Variants in DOCK3 observed in about 807,000 individuals in gnomAD.
DOCK3 encodes the protein dedicator of cytokinesis protein 3.
Under a neutral mutation model 265.6 loss-of-function variants are expected in DOCK3, and 60 were observed. That is an observed-to-expected ratio of 0.23 (90% CI 0.18 to 0.28). The LOEUF (loss-of-function observed/expected upper bound fraction) is 0.28. Ranked by LOEUF, DOCK3 falls within the 10% of genes least tolerant of loss-of-function variation. The probability of loss-of-function intolerance (pLI) is 1.00; values close to 1 mark genes in which losing one functional copy is unlikely to be tolerated. For missense variants in DOCK3, 1,981 were observed against 2,594.3 expected (o/e 0.76, Z 5.14); for synonymous variants, 881 against 938.0 (o/e 0.94, Z 1.11).
At chr3:50,755,433 T>A (rs1404940463) in intron 1 of DOCK3, among the ~76,000 whole-genome samples, 2 of 152,226 alleles carry the variant, frequency 1.3e-5, no homozygotes, top group Non-Finnish European at 2.9e-5. Flanking sequence ...AATGAATTAG[T>A]GTCTCAACTT....
At chr3:51,198,360 T>G (rs1200806994) in intron 12 of DOCK3, among the ~76,000 whole-genome samples, 1 of 152,144 alleles carries the variant, frequency 6.6e-6, no homozygotes, top group Admixed American at 6.5e-5. Context: ...ACATGGTTTG[T>G]GAAGTGACAA....
intron 27 of DOCK3, among the ~76,000 whole-genome samples, chr3:51,293,991 G>A (rs2081933435): frequency 6.6e-6 from 1 of 152,186 alleles, no homozygotes; most frequent in African/African-American, 2.4e-5. Flanking sequence ...CTTGTACACT[G>A]TTAGTGATAT....
chr3:50,896,591 GT>G (rs2048902166), intron 4 of DOCK3, among the ~76,000 whole-genome samples: 1 of 151,976 alleles, frequency 6.6e-6, no homozygotes, highest in Non-Finnish European at 1.5e-5. Flanking sequence ...TATTGCCTAG[GT>G]TTTTTTCTAG....
intron 22 of DOCK3, among the ~76,000 whole-genome samples, chr3:51,251,069 T>A (rs374712990): frequency 2.0e-5 from 3 of 152,154 alleles, no homozygotes; most frequent in Admixed American, 6.5e-5. Context: ...CCACCCTGTG[T>A]CCAAGTGTTC....
chr3:50,892,219 C>T (rs562815404), intron 4 of DOCK3, among the ~76,000 whole-genome samples: 5 of 152,086 alleles, frequency 3.3e-5, no homozygotes, highest in African/African-American at 1.2e-4. Context: ...CCTTTTTCTC[C>T]AGATAATTTT....
intron 5 of DOCK3, among the ~76,000 whole-genome samples, chr3:50,973,473 A>C (rs1253127309): frequency 6.5e-5 from 9 of 137,890 alleles, no homozygotes; most frequent in East Asian, 4.5e-4. Flanking sequence ...TGAACTCATC[A>C]TTTTTTATGG....
intron 5 of DOCK3, among the ~76,000 whole-genome samples, chr3:51,000,190 C>T (rs2078426693): frequency 1.3e-5 from 2 of 152,180 alleles, no homozygotes; most frequent in South Asian, 2.1e-4. Context: ...ATGTTTTGAC[C>T]CCATAATCTT....
At chr3:50,752,790 A>C (rs1348687592) in intron 1 of DOCK3, among the ~76,000 whole-genome samples, 1 of 150,744 alleles carries the variant, frequency 6.6e-6, no homozygotes, top group Admixed American at 6.6e-5. Context: ...CAAACAAACA[A>C]ACACCCCTAC....
At chr3:51,373,857 C>T (rs899228100) in intron 49 of DOCK3, among the ~76,000 whole-genome samples, 2 of 152,166 alleles carry the variant, frequency 1.3e-5, no homozygotes, top group African/African-American at 2.4e-5. Flanking sequence ...GCCAGCCTGG[C>T]TCTAGGGCTG....
chr3:51,124,781 C>T (rs2084189040), intron 9 of DOCK3, among the ~76,000 whole-genome samples: 1 of 152,072 alleles, frequency 6.6e-6, no homozygotes, highest in Non-Finnish European at 1.5e-5. Context: ...CAGGCTTAGG[C>T]TAAAATCTTG....
intron 2 of DOCK3, among the ~76,000 whole-genome samples, chr3:50,836,212 CG>C (rs1202160797): frequency 2.6e-5 from 4 of 152,116 alleles, no homozygotes; most frequent in Non-Finnish European, 5.9e-5. Flanking sequence ...AGCAGTGCCC[CG>C]GGGGGGACTC....
At chr3:50,786,997 C>A (rs1362009183) in intron 2 of DOCK3, 3 of 742,376 alleles carry the variant, frequency 4.0e-6, no homozygotes, top group Non-Finnish European at 7.6e-6. Flanking sequence ...GCACATGAGC[C>A]ATGGCATAGA....
intron 12 of DOCK3, among the ~76,000 whole-genome samples, chr3:51,208,012 G>A (rs955678164): frequency 7.2e-5 from 11 of 152,116 alleles, no homozygotes; most frequent in Non-Finnish European, 1.0e-4. Flanking sequence ...AAATGGTTAC[G>A]TGGTTGCAGT....
At chr3:50,972,160 T>A (rs1032437403) in intron 5 of DOCK3, among the ~76,000 whole-genome samples, 1 of 152,240 alleles carries the variant, frequency 6.6e-6, no homozygotes, top group Non-Finnish European at 1.5e-5. Flanking sequence ...GTTGTCCTGC[T>A]CTTCACTGCA....
intron 2 of DOCK3, among the ~76,000 whole-genome samples, chr3:50,819,701 C>T (rs1199132917): frequency 1.3e-5 from 2 of 152,192 alleles, no homozygotes; most frequent in Non-Finnish European, 2.9e-5. Context: ...GTGGCTCATG[C>T]CTGTAATCCC....
intron 43 of DOCK3, 38 bp downstream of exon 43, chr3:51,356,531 G>T: frequency 1.3e-6 from 2 of 1,592,308 alleles, no homozygotes; most frequent in Non-Finnish European, 1.7e-6. Context: ...CTTCACAACT[G>T]CTCCATCAGC....
At chr3:50,863,946 C>T (rs2047027979) in intron 3 of DOCK3, among the ~76,000 whole-genome samples, 1 of 152,150 alleles carries the variant, frequency 6.6e-6, no homozygotes, top group Admixed American at 6.5e-5. Flanking sequence ...ATCGTCCACA[C>T]ACTCATTTCT....
intron 49 of DOCK3, among the ~76,000 whole-genome samples, chr3:51,367,781 T>C (rs2087338420): frequency 6.6e-6 from 1 of 152,228 alleles, no homozygotes; most frequent in Admixed American, 6.5e-5. Flanking sequence ...AAATTCTGGG[T>C]TAAAAATTCT....
intron 1 of DOCK3, among the ~76,000 whole-genome samples, chr3:50,717,115 A>C (rs1015479451): frequency 3.3e-5 from 5 of 152,222 alleles, no homozygotes; most frequent in Non-Finnish European, 7.3e-5. Context: ...GTTCTAGTAC[A>C]TGGATATGCC....
Sources: gnomAD v4.1 joint callset for allele counts (sites outside exome capture counted in the v4.1 genomes callset) on GRCh38, gnomAD v4.1.1 for gene constraint, MANE v1.5 for transcripts, NCBI Gene and HGNC (gene_info 2026-07-23, HGNC 2026-07-21) for gene names.